DCAF10: variants seen among roughly 807,000 people sequenced by gnomAD.
DCAF10 encodes DDB1- and CUL4-associated factor 10.
A neutral mutation model predicts 51.9 loss-of-function variants in DCAF10; 19 were observed. The ratio of observed to expected loss-of-function variants is 0.37; its 90% confidence interval spans 0.26 to 0.54. DCAF10 has a LOEUF of 0.54. Ranked by LOEUF, DCAF10 falls within the 20% of genes least tolerant of loss-of-function variation. DCAF10 has a pLI of 0.87. For synonymous variants in DCAF10, 291 were observed against 297.1 expected, an observed-to-expected ratio of 0.98 and a Z score of 0.21; for missense variants, 510 against 730.6, an observed-to-expected ratio of 0.70 and a Z score of 3.48.
intron 2 of DCAF10, among the ~76,000 whole-genome samples, chr9:37,823,319 G>C (rs1204497373): frequency 6.6e-6 from 1 of 152,160 alleles, no homozygotes; most frequent in African/African-American, 2.4e-5. Flanking sequence ...ACAGGTTGTG[G>C]TGAAACTCTA....
At chr9:37,830,176 T>C (rs1246927258) in intron 2 of DCAF10, among the ~76,000 whole-genome samples, 1 of 152,178 alleles carries the variant, frequency 6.6e-6, no homozygotes, top group Non-Finnish European at 1.5e-5. Context: ...TGAAATACTA[T>C]ACATCAGTTA....
chr9:37,836,855 G>A (rs1830182023), intron 2 of DCAF10, among the ~76,000 whole-genome samples: 1 of 151,892 alleles, frequency 6.6e-6, no homozygotes. Flanking sequence ...CCTTTGTGCA[G>A]GCTGGCATAT....
intron 1 of DCAF10, among the ~76,000 whole-genome samples, chr9:37,814,243 A>C (rs1829458671): frequency 7.1e-6 from 1 of 140,446 alleles, no homozygotes; most frequent in South Asian, 2.3e-4. Context: ...GGTTCAAGCG[A>C]TTCTCCTGCC....
chr9:37,810,780 T>G (rs1174713773), intron 1 of DCAF10, among the ~76,000 whole-genome samples: 1 of 152,048 alleles, frequency 6.6e-6, no homozygotes, highest in Non-Finnish European at 1.5e-5. Flanking sequence ...GTATTTCTAA[T>G]GGACTCATGG....
At chr9:37,853,375 T>G (rs184048944) in intron 3 of DCAF10, among the ~76,000 whole-genome samples, 2 of 144,990 alleles carry the variant, frequency 1.4e-5, no homozygotes, top group East Asian at 4.0e-4. Context: ...ACAGTACCAT[T>G]GCACTCCAGC....
intron 2 of DCAF10, 99 bp from the exon 3 acceptor site, chr9:37,841,990 T>G: frequency 1.7e-6 from 2 of 1,155,630 alleles, no homozygotes; most frequent in African/African-American, 3.1e-5. Context: ...CCTTTTTTTC[T>G]TTCTTTCTTG....
rs200922949 is a variant in DCAF10 at position 37,812,268 on chromosome 9, C to CA, written c.540-7012dup. On this transcript the variant is annotated intron_variant, in intron 1 of 6. Coordinates refer to ENST00000377724, the MANE Select transcript of DCAF10 (RefSeq NM_024345.5). The stretch of plus-strand genomic sequence containing the variant: ...TACCAACTTCTTCAAAAACAAACAA[C>CA]AAAAAAAAGAAGAAAAAAAGACAGA... 4.3e-3 allele frequency among the ~76,000 whole-genome samples: 649 copies of CA among 149,544 alleles called. 5 individuals are homozygous for CA. Among genetic ancestry groups the CA allele is most frequent in the African/African-American group, 0.014 (566 of 40,928 alleles).
chr9:37,863,976 TAA>T lies in DCAF10; in HGVS notation c.*2473_*2474del, dbSNP rs1018448126. 3 of 152,132 alleles carry T rather than the reference TAA, an allele frequency of 2.0e-5. No individual in the cohort carries two copies. Among genetic ancestry groups the T allele is most frequent in the African/African-American group, 7.2e-5 (3 of 41,424 alleles). The allele number at this position is 152,132 out of a possible 1,614,324, so 9.4% of individuals were successfully genotyped here. A position where few individuals can be genotyped will look rare whatever the true frequency, so the allele number is the denominator to read the frequency against. On this transcript the variant is annotated 3_prime_UTR_variant, in exon 7 of 7. Coordinates refer to ENST00000377724, the MANE Select transcript of DCAF10 (RefSeq NM_024345.5). ...ATACATATACTTACCATACATTTTG[TAA>T]AAAACACATTTTTTAAAGAAAATAG...
At position 37,860,060 on chromosome 9, in the gene DCAF10, G is replaced by A. The variant is rs767043246; in HGVS notation, c.1178G>A (p.Arg393Gln). The A allele has an allele frequency of 1.1e-5, 18 of 1,613,942 alleles. No homozygotes were observed. Among genetic ancestry groups the A allele is most frequent in the Non-Finnish European group, 1.4e-5 (16 of 1,179,978 alleles). ...RASQREGVSP[R>Q]NSLEVVTPEV... Reference sequence around the variant, plus strand: ...TCTTATATCTCAGGAGTTTCACCACGAAATAGTCTTGAAGTCGTAACCCCT... The same window carrying A: ...TCTTATATCTCAGGAGTTTCACCACAAAATAGTCTTGAAGTCGTAACCCCT... Residue 393 changes from arginine to glutamine, a missense_variant, in exon 6 of 7, where the codon CGA (arginine) becomes CAA (glutamine). Physicochemically the swap from Arg to Gln is conservative, Grantham distance 43. Around this residue, in one of 4 missense-constraint regions of DCAF10, gnomAD observed 29 missense variants for 24.9 expected, o/e 1.16. Coordinates refer to ENST00000377724, the MANE Select transcript of DCAF10 (RefSeq NM_024345.5).
intron 1 of DCAF10, among the ~76,000 whole-genome samples, chr9:37,803,928 A>G (rs1461497877): frequency 6.6e-6 from 1 of 151,818 alleles, no homozygotes; most frequent in Non-Finnish European, 1.5e-5. Context: ...GTTAGAAGGT[A>G]TTTTCTAAAG....
At position 37,866,156 on chromosome 9, in the gene DCAF10, T is replaced by C. The variant is rs958814208; in HGVS notation, c.*4648T>C. On this transcript the variant is annotated 3_prime_UTR_variant, in exon 7 of 7. Transcript: ENST00000377724. ...TTGGTCTTGAAGGAAACCGTACATA[T>C]GAATTTTTGGATAGCTAATGTATAT... 4 of 152,646 alleles carry C rather than the reference T, an allele frequency of 2.6e-5. No individual in the cohort carries two copies. Among genetic ancestry groups the C allele is most frequent in the African/African-American group, 9.6e-5 (4 of 41,462 alleles). 9.5% of individuals were successfully genotyped at this position (152,646 alleles called of 1,614,324 possible). A position where few individuals can be genotyped will look rare whatever the true frequency, so the allele number is the denominator to read the frequency against.
At chr9:37,837,253 G>A (rs900605584) in intron 2 of DCAF10, among the ~76,000 whole-genome samples, 2 of 152,064 alleles carry the variant, frequency 1.3e-5, no homozygotes, top group Non-Finnish European at 2.9e-5. Context: ...GAGGTCAGGA[G>A]ATGGAGACCA....
At chr9:37,844,705 C>T (rs1334907128) in intron 3 of DCAF10, among the ~76,000 whole-genome samples, 7 of 151,808 alleles carry the variant, frequency 4.6e-5, no homozygotes, top group Non-Finnish European at 8.8e-5. Context: ...ATTAGCAGGG[C>T]CTAGTGGCAC....
At chr9:37,817,816 G>C (rs1829588063) in intron 1 of DCAF10, among the ~76,000 whole-genome samples, 1 of 151,742 alleles carries the variant, frequency 6.6e-6, no homozygotes, top group African/African-American at 2.4e-5. Flanking sequence ...GGGTTCTTCT[G>C]ACTTACAAAA....
intron 3 of DCAF10, among the ~76,000 whole-genome samples, chr9:37,846,316 G>A (rs1333210984): frequency 1.3e-5 from 2 of 152,068 alleles, no homozygotes; most frequent in Admixed American, 1.3e-4. Flanking sequence ...AAAGAGAGGA[G>A]ATATCATAAC....
intron 1 of DCAF10, among the ~76,000 whole-genome samples, chr9:37,807,885 C>CCTG (rs1829170457): frequency 6.6e-6 from 1 of 152,028 alleles, no homozygotes. Context: ...TGGTCTTGAA[C>CCTG]TCCTGACCTC....
At chr9:37,848,336 AATAG>A (rs1830534787) in intron 3 of DCAF10, among the ~76,000 whole-genome samples, 1 of 152,248 alleles carries the variant, frequency 6.6e-6, no homozygotes, top group Admixed American at 6.5e-5. Context: ...GCAAGTGGTA[AATAG>A]ATAAACAAAA....
At chr9:37,820,403 T>G (rs953385197) in intron 2 of DCAF10, among the ~76,000 whole-genome samples, 3 of 152,156 alleles carry the variant, frequency 2.0e-5, no homozygotes, top group Admixed American at 2.0e-4. Flanking sequence ...AAGAAGTGCT[T>G]AAGTGTTTCA....
At chr9:37,839,783 C>G (rs1299634799) in intron 2 of DCAF10, among the ~76,000 whole-genome samples, 1 of 152,188 alleles carries the variant, frequency 6.6e-6, no homozygotes, top group African/African-American at 2.4e-5. Flanking sequence ...CAGCCACCCT[C>G]TTTGCTTATT....
Sources: gnomAD v4.1 joint callset for allele counts (sites outside exome capture counted in the v4.1 genomes callset) on GRCh38, gnomAD v4.1.1 for gene constraint, gnomAD v4.1.1 regional missense constraint, MANE v1.5 for transcripts, NCBI Gene and HGNC (gene_info 2026-07-23, HGNC 2026-07-21) for gene names.